The following ZFAT variants were observed in gnomAD, a reference collection of about 807,000 sequenced individuals.
ZFAT encodes zinc finger protein ZFAT.
In ZFAT, 64 loss-of-function variants were observed where a neutral mutation model predicts 117.7. The observed-to-expected ratio is 0.54, with a 90% CI of 0.44 to 0.67. ZFAT has a LOEUF of 0.67. Ranked by LOEUF, ZFAT falls within the 30% of genes least tolerant of loss-of-function variation. The pLI is 0.00. For missense variants in ZFAT, 1,433 were observed against 1,584.5 expected, an observed-to-expected ratio of 0.90 and a Z score of 1.62; for synonymous variants, 679 against 615.0, an observed-to-expected ratio of 1.10 and a Z score of -1.54.
intron 5 of ZFAT, among the ~76,000 whole-genome samples, chr8:134,606,729 G>GAAA (rs75459456): frequency 2.1e-5 from 1 of 47,820 alleles, no homozygotes; most frequent in African/African-American, 6.0e-5. Context: ...CTCTGTCTCA[G>GAAA]AAAAAAAAAA....
At chr8:134,591,853 C>A (rs1010197541) in intron 7 of ZFAT, among the ~76,000 whole-genome samples, 2 of 152,158 alleles carry the variant, frequency 1.3e-5, no homozygotes. Flanking sequence ...CAGGAGGAAG[C>A]GGCCCTGCCA....
chr8:134,620,588 C>T (rs1829043472), intron 3 of ZFAT, among the ~76,000 whole-genome samples: 5 of 152,202 alleles, frequency 3.3e-5, no homozygotes, highest in Admixed American at 3.3e-4. Flanking sequence ...CAAATAAATG[C>T]CTATCTCCCT....
chr8:134,548,719 TA>T (rs1822893980), intron 11 of ZFAT, among the ~76,000 whole-genome samples: 1 of 152,000 alleles, frequency 6.6e-6, no homozygotes, highest in Non-Finnish European at 1.5e-5. Flanking sequence ...ACTGTGTCCC[TA>T]CCACCTAACA....
At chr8:134,695,512 G>A (rs1398827759) in intron 1 of ZFAT, among the ~76,000 whole-genome samples, 5 of 150,324 alleles carry the variant, frequency 3.3e-5, no homozygotes, top group African/African-American at 1.2e-4. Flanking sequence ...AGGCGGCACC[G>A]CCCCCACCCC....
chr8:134,820,944 G>C, the ZFAT span, among the ~76,000 whole-genome samples: 1 of 152,106 alleles, frequency 6.6e-6, no homozygotes, highest in Admixed American at 6.6e-5. Flanking sequence ...ATATATGAAT[G>C]GACACACTAA....
At chr8:134,612,240 G>T (rs1383002023) in intron 3 of ZFAT, among the ~76,000 whole-genome samples, 1 of 152,230 alleles carries the variant, frequency 6.6e-6, no homozygotes, top group Admixed American at 6.5e-5. Flanking sequence ...AGGGAAGCAG[G>T]GTGCGCAAGC....
intron 2 of ZFAT, among the ~76,000 whole-genome samples, chr8:134,649,193 ACACACACACC>A (rs1324005155): frequency 5.7e-4 from 86 of 151,338 alleles, no homozygotes; most frequent in African/African-American, 1.6e-3. Context: ...ACACACACAC[ACACACACACC>A]CCATCATACT....
At chr8:134,627,994 G>T (rs755929773) in intron 3 of ZFAT, among the ~76,000 whole-genome samples, 1 of 152,142 alleles carries the variant, frequency 6.6e-6, no homozygotes, top group African/African-American at 2.4e-5. Flanking sequence ...CCAACACACC[G>T]AGGCACGTGC....
chr8:134,755,429 C>T, the ZFAT span, among the ~76,000 whole-genome samples: 1 of 142,612 alleles, frequency 7.0e-6, no homozygotes, highest in African/African-American at 2.6e-5. Context: ...AAAAAAAAAG[C>T]TTTTAGGGTG....
chr8:134,597,896 A>T (rs1237710585), intron 7 of ZFAT: 4 of 152,138 alleles, frequency 2.6e-5, no homozygotes, highest in Non-Finnish European at 5.9e-5. Context: ...ACTGAGTCAC[A>T]CCCCCTTATT....
At chr8:134,822,019 C>T in the ZFAT span, among the ~76,000 whole-genome samples, 1 of 152,112 alleles carries the variant, frequency 6.6e-6, no homozygotes. Flanking sequence ...AAGATAGATA[C>T]AGCGTCTTGG....
chr8:134,588,221 C>T (rs1470766215), intron 9 of ZFAT, 25 bp downstream of exon 9: 13 of 1,526,798 alleles, frequency 8.5e-6, no homozygotes, highest in Non-Finnish European at 1.1e-5. Flanking sequence ...AGAAAGGTGC[C>T]CAATTTGGAA....
intron 11 of ZFAT, among the ~76,000 whole-genome samples, chr8:134,540,887 C>T (rs958586403): frequency 2.0e-5 from 3 of 152,116 alleles, no homozygotes; most frequent in African/African-American, 7.2e-5. Context: ...GGTATTTGTT[C>T]ATCTTGATTT....
At chr8:134,763,062 A>T in the ZFAT span, among the ~76,000 whole-genome samples, 1 of 152,226 alleles carries the variant, frequency 6.6e-6, no homozygotes, top group Non-Finnish European at 1.5e-5. Context: ...TCATCAGAGT[A>T]ATCTTTAAAA....
chr8:134,494,870 C>G (rs544726898), intron 15 of ZFAT, among the ~76,000 whole-genome samples: 1 of 152,326 alleles, frequency 6.6e-6, no homozygotes, highest in African/African-American at 2.4e-5. Context: ...ACCAGTGAAG[C>G]TTTGACATTC....
the ZFAT span, among the ~76,000 whole-genome samples, chr8:134,761,474 G>A: frequency 5.9e-5 from 9 of 151,642 alleles, no homozygotes; most frequent in South Asian, 4.2e-4. Flanking sequence ...TGCTGAAGCC[G>A]GCAAATCACG....
chr8:134,755,415 A>G, the ZFAT span, among the ~76,000 whole-genome samples: 36 of 151,186 alleles, frequency 2.4e-4, no homozygotes, highest in Admixed American at 6.6e-4. Flanking sequence ...GTCTCAAAAA[A>G]AAAAAAAAAA....
chr8:134,661,180 C>T (rs1831907128), intron 1 of ZFAT, among the ~76,000 whole-genome samples: 2 of 152,206 alleles, frequency 1.3e-5, no homozygotes, highest in Non-Finnish European at 2.9e-5. Context: ...GGCAGTGAAA[C>T]TCCAGGAAGG....
chr8:134,583,469 G>C (rs1307886256), intron 10 of ZFAT, among the ~76,000 whole-genome samples: 1 of 152,168 alleles, frequency 6.6e-6, no homozygotes, highest in Non-Finnish European at 1.5e-5. Flanking sequence ...TGTGATCAAG[G>C]TTGCCCCTCA....
Sources: gnomAD v4.1 joint callset for allele counts (sites outside exome capture counted in the v4.1 genomes callset) on GRCh38, gnomAD v4.1.1 for gene constraint, MANE v1.5 for transcripts, NCBI Gene and HGNC (gene_info 2026-07-23, HGNC 2026-07-21) for gene names.